Variants in SACS observed in about 807,000 individuals in gnomAD.
SACS encodes sacsin.
SACS carries 197 observed loss-of-function variants against 348.0 expected under a neutral mutation model. The ratio of observed to expected loss-of-function variants is 0.57; its 90% CI spans 0.50 to 0.64. SACS has a LOEUF of 0.64. Ranked by LOEUF, SACS falls within the 30% of genes least tolerant of loss-of-function variation. The probability of loss-of-function intolerance (pLI) is 0.00; values close to 1 mark genes in which losing one functional copy is unlikely to be tolerated. For missense variants in SACS, 4,999 were observed against 5,360.8 expected, an observed-to-expected ratio of 0.93 and a Z score of 2.11; for synonymous variants, 1,985 against 1,910.6, an observed-to-expected ratio of 1.04 and a Z score of -1.02.
At chr13:23,356,138 AT>A in intron 7 of SACS, 131 bp from the exon 8 acceptor site, 1 of 737,204 alleles carries the variant, frequency 1.4e-6, no homozygotes, top group Non-Finnish European at 2.2e-6. Context: ...CACAAACTTA[AT>A]TTACCTTCAG....
chr13:23,379,325 C>A (rs983973053), intron 2 of SACS, among the ~76,000 whole-genome samples: 2 of 152,210 alleles, frequency 1.3e-5, no homozygotes, highest in African/African-American at 4.8e-5. Context: ...CAGTGCCAGG[C>A]ACTGGTGTCC....
chr13:23,388,170 A>G (rs966750911), intron 2 of SACS, among the ~76,000 whole-genome samples: 5 of 151,946 alleles, frequency 3.3e-5, no homozygotes, highest in Non-Finnish European at 7.4e-5. Flanking sequence ...AGCACAATTC[A>G]CAATTGCAAA....
intron 2 of SACS, among the ~76,000 whole-genome samples, chr13:23,393,325 G>A (rs1872599357): frequency 6.6e-6 from 1 of 152,164 alleles, no homozygotes; most frequent in South Asian, 2.1e-4. Flanking sequence ...TTATCCTCAT[G>A]AACTCCTGAA....
rs1356713287 is a variant in SACS at position 23,332,191 on chromosome 13, C to T, written c.11685G>A (p.Val3895=). The change falls in exon 10 of 10, where the codon GTG becomes GTA. Residue 3895 remains valine (V), a synonymous_variant. Transcript: ENST00000382292. The part of the protein sequence containing the change: ...FRSLQNDSVK[V]RSDLENVRDL... Reference sequence around the variant, plus strand: ...CTCGTACATTCTCGAGATCACTCCTCACCTTGACTGAATCATTCTGTAGAC... The same window carrying T: ...CTCGTACATTCTCGAGATCACTCCTTACCTTGACTGAATCATTCTGTAGAC... 6.2e-7 allele frequency: 1 copy of T among 1,614,056 alleles called. No individual in the cohort carries two copies. Among genetic ancestry groups the T allele is most frequent in the African/African-American group, 1.3e-5 (1 of 75,046 alleles).
chr13:23,431,803 T>C (rs895156665), intron 1 of SACS, among the ~76,000 whole-genome samples: 1 of 152,338 alleles, frequency 6.6e-6, no homozygotes, highest in South Asian at 2.1e-4. Context: ...AATATGTATT[T>C]TGTACTGATC....
chr13:23,335,845 C>T lies in SACS; in HGVS notation c.8031G>A (p.Gln2677=), dbSNP rs1260906415. Residue 2677 remains glutamine, a synonymous_variant, in exon 10 of 10, where the codon CAG becomes CAA. Transcript: ENST00000382292. The surrounding 1 kb of genome is among the most constrained non-coding windows in gnomAD (Gnocchi z 4.7). ...FRDLDADFRT[Q]FSDVLDLYLG... The stretch of plus-strand genomic sequence containing the variant: ...GATAAAGATCCAGAACATCTGAGAA[C>T]TGTGTCCTAAAATCTGCATCCAAAT... 2 of 1,613,998 alleles carry T rather than the reference C, an allele frequency of 1.2e-6. No homozygotes were observed. The highest frequency in any genetic ancestry group is 2.2e-5 in the South Asian group (2 of 91,076).
At chr13:23,365,538 C>G (rs568971126) in intron 5 of SACS, among the ~76,000 whole-genome samples, 1 of 152,084 alleles carries the variant, frequency 6.6e-6, no homozygotes, top group Non-Finnish European at 1.5e-5. Flanking sequence ...CAAATTAATC[C>G]TGGGCCCTAT....
Position 23,338,247 on chromosome 13 carries a change from G to A in SACS, c.5629C>T (p.Arg1877Ter), listed in dbSNP as rs761089024. 3.7e-6 allele frequency: 6 copies of A among 1,613,884 alleles called. No individual in the cohort carries two copies. The highest frequency in any genetic ancestry group is 2.2e-5 in the East Asian group (1 of 44,892). Residue 1877 changes from arginine (R) to a stop codon, truncating the protein, a stop_gained, in exon 10 of 10, where the codon CGA (arginine) becomes TGA (stop). Transcript: ENST00000382292. LOFTEE classifies it high-confidence loss of function. Reference protein sequence around the residue: ...IGEVFCYLPLRIKTGLPVHIN... With the variant: ...IGEVFCYLPL ...TGAACTGGCAAGCCTGTTTTTATTC[G>A]TAAAGGTAAATAGCAAAACACCTCT... is the stretch of plus-strand genomic sequence containing the variant.
chr13:23,364,171 T>G (rs1870920075), intron 6 of SACS, among the ~76,000 whole-genome samples: 1 of 152,216 alleles, frequency 6.6e-6, no homozygotes, highest in Non-Finnish European at 1.5e-5. Flanking sequence ...GATATTTAAC[T>G]AAATGTTAAC....
rs981423399 is a variant in SACS, at chr13:23,368,922, A to G, written c.260-435T>C. Among the ~76,000 whole-genome samples, 25 of 152,172 alleles carry G rather than the reference A, an allele frequency of 1.6e-4. No individual in the cohort carries two copies. In the South Asian group the frequency reaches 2.3e-3, roughly 14 times the overall value. On this transcript the variant is annotated intron_variant, in intron 4 of 9. Coordinates refer to ENST00000382292, the MANE Select transcript of SACS (RefSeq NM_014363.6). ...CACCATGTTAGCCAGGATGGTCTTG[A>G]TCTCCTGACCTCGTGATCCGCCCAC...
rs1379546374 is a variant in SACS at position 23,334,558 on chromosome 13, G to A, written c.9318C>T (p.Ser3106=). The A allele has an allele frequency of 6.2e-7, 1 of 1,613,388 alleles. No individual in the cohort carries two copies. Among genetic ancestry groups the A allele is most frequent in the Non-Finnish European group, 8.5e-7 (1 of 1,179,700 alleles). ...ADIRSFLMTF[S]SPDTNCHIGK... ...CAATATGGCAATTAGTGTCAGGAGA[G>A]GAAAATGTCATTAAAAAAGATCTGA... The change falls in exon 10 of 10, where the codon TCC becomes TCT. Residue 3106 remains serine, a synonymous_variant. Coordinates refer to ENST00000382292, the MANE Select transcript of SACS (RefSeq NM_014363.6).
intron 2 of SACS, among the ~76,000 whole-genome samples, chr13:23,410,875 T>C (rs937266971): frequency 1.3e-5 from 2 of 152,202 alleles, no homozygotes; most frequent in Non-Finnish European, 2.9e-5. Context: ...ATTTCACAGT[T>C]GTTTATTTTA....
intron 2 of SACS, among the ~76,000 whole-genome samples, chr13:23,405,089 C>T (rs980452068): frequency 6.6e-6 from 1 of 152,076 alleles, no homozygotes; most frequent in African/African-American, 2.4e-5. Context: ...CAAAAAAGAG[C>T]CCGTATAAGC....
At chr13:23,422,971 G>C (rs1003029606) in intron 1 of SACS, among the ~76,000 whole-genome samples, 1 of 152,176 alleles carries the variant, frequency 6.6e-6, no homozygotes, top group Non-Finnish European at 1.5e-5. Context: ...TTATATCACT[G>C]AATGAAATGT....
Position 23,329,571 on chromosome 13 carries a change from T to TA in SACS, c.*564dup, listed in dbSNP as rs1883337760. ...CTAAAAAGTACTACCTTCACACTCT[T>TA]AGTCAAGTAATAGGATTAAAATACT... On this transcript the variant is annotated 3_prime_UTR_variant, in exon 10 of 10. Coordinates refer to ENST00000382292, the MANE Select transcript of SACS (RefSeq NM_014363.6). 1.6e-6 allele frequency: 1 copy of TA among 616,824 alleles called. No homozygotes were observed. Among genetic ancestry groups the TA allele is most frequent in the South Asian group, 2.1e-5 (1 of 47,778 alleles). The allele number at this position is 616,824 out of a possible 1,614,324, so 38.2% of individuals were successfully genotyped here.
In SACS at chr13:23,365,268, G is replaced by T. The variant is rs1566086283; in HGVS notation, c.355C>A (p.Gln119Lys). 6.3e-7 allele frequency: 1 copy of T among 1,598,470 alleles called. No individual in the cohort carries two copies. The highest frequency in any genetic ancestry group is 1.1e-5 in the South Asian group (1 of 88,200). The part of the protein sequence containing the change: ...EGGQILKELI[Q>K]NAEDAGATEV... ...GTCGCCCCAGCATCTTCTGCATTCT[G>T]AATTAATTCCTAACCAAAAAATATA... Residue 119 changes from glutamine (Q) to lysine (K), a missense_variant, in exon 6 of 10, where the codon CAG becomes AAG. By Grantham distance (53) the Gln-to-Lys change is moderately conservative. This residue lies in a region of SACS where 3,156 missense variants were observed against 3,380.1 expected (regional missense o/e 0.93). Transcript: ENST00000382292.
Position 23,339,778 on chromosome 13 carries a change from C to G in SACS, c.4098G>C (p.Leu1366=), listed in dbSNP as rs200381539. ...LHLMLNIIRW[L]YSNQIPASPN... is the part of the protein sequence containing the mutation. The stretch of plus-strand genomic sequence containing the variant: ...GGCTTGCTGGAATCTGATTGCTATA[C>G]AGCCATCTGATAATATTCAACATAA... Residue 1366 remains leucine, a synonymous_variant, in exon 10 of 10, where the codon CTG becomes CTC. Transcript: ENST00000382292. The G allele has an allele frequency of 1.9e-5, 31 of 1,613,780 alleles. No homozygotes were observed. The highest frequency in any genetic ancestry group is 2.5e-5 in the Non-Finnish European group (29 of 1,179,880).
In SACS at chr13:23,355,867, G is replaced by A. The variant is rs975426652; in HGVS notation, c.745C>T (p.Pro249Ser). The change falls in exon 8 of 10, where the codon CCA becomes TCA. Residue 249 changes from proline to serine, a missense_variant. By Grantham distance (74) the Pro-to-Ser change is moderately conservative (BLOSUM62 -1). Transcript: ENST00000382292. ...GTGCTTCCAAAAATGCCAACAAATG[G>A]TGCAAACTGGTCTGAAAGTTCACTA... ...EISELSDQFA[P>S]FVGIFGSTKE... 5.6e-6 allele frequency: 9 copies of A among 1,614,126 alleles called. No individual in the cohort carries two copies. Among genetic ancestry groups the A allele is most frequent in the Non-Finnish European group, 7.6e-6 (9 of 1,180,026 alleles).
At position 23,331,777 on chromosome 13, in the gene SACS, T is replaced by C. The variant is rs753090825; in HGVS notation, c.12099A>G (p.Lys4033=). The C allele has an allele frequency of 6.2e-7, 1 of 1,613,944 alleles. No homozygotes were observed. Among genetic ancestry groups the C allele is most frequent in the South Asian group, 1.1e-5 (1 of 91,076 alleles). ...NDNAFLANEE[K]AIRLCKALRE... ...TTAGGGCTTTGCAAAGTCTTATGGCTTTTTCTTCATTGGCCAGAAAAGCAT... is the reference window on the plus strand; with the variant it reads ...TTAGGGCTTTGCAAAGTCTTATGGCCTTTTCTTCATTGGCCAGAAAAGCAT... Residue 4033 remains lysine, a synonymous_variant, in exon 10 of 10, where the codon AAA becomes AAG. Transcript: ENST00000382292.
Sources: gnomAD v4.1 joint callset for allele counts (sites outside exome capture counted in the v4.1 genomes callset) on GRCh38, gnomAD v4.1.1 for gene constraint, gnomAD v4.1.1 regional missense constraint, Gnocchi (gnomAD v3.1) non-coding constraint, MANE v1.5 for transcripts, NCBI Gene and HGNC (gene_info 2026-07-23, HGNC 2026-07-21) for gene names.